Variants in TAFA4 observed in about 807,000 individuals in gnomAD.
TAFA4 encodes chemokine-like protein TAFA-4.
A neutral mutation model predicts 21.1 loss-of-function variants in TAFA4; 20 were observed. The ratio of observed to expected loss-of-function variants is 0.95; its 90% CI spans 0.67 to 1.38. The LOEUF (loss-of-function observed/expected upper bound fraction) is 1.38, where lower values mean the gene tolerates loss of function less well. Ranked by LOEUF, TAFA4 falls within the 40% of genes most tolerant of loss-of-function variation. The pLI is 0.00. For synonymous variants in TAFA4, 71 were observed against 67.4 expected (o/e 1.05, Z -0.26); for missense variants, 211 against 180.9 (o/e 1.17, Z -0.95).
chr3:68,803,822 T>G (rs71302152), intron 3 of TAFA4, among the ~76,000 whole-genome samples: 13 of 144,408 alleles, frequency 9.0e-5, no homozygotes, highest in Admixed American at 3.4e-4. Context: ...TTTTTTTTTG[T>G]GAGACAGAGT....
At chr3:68,854,884 A>T (rs1011639502) in intron 3 of TAFA4, among the ~76,000 whole-genome samples, 1 of 152,134 alleles carries the variant, frequency 6.6e-6, no homozygotes, top group Non-Finnish European at 1.5e-5. Context: ...CTCTCCAAAA[A>T]TCAATCACAA....
At chr3:68,770,799 T>G (rs1702941514) in intron 3 of TAFA4, among the ~76,000 whole-genome samples, 1 of 152,032 alleles carries the variant, frequency 6.6e-6, no homozygotes, top group Non-Finnish European at 1.5e-5. Context: ...AAGGGTGGGG[T>G]CCCGGCGAGG....
rs563787308 is a variant in TAFA4, at chr3:68,851,907, G to T, written c.130+28823C>A. ...GATCTATAGGACAAGGGTGAGCAAA[G>T]GTTAGCTTGCCTCAGATGACCAGGA... On this transcript the variant is annotated intron_variant, in intron 3 of 5. Coordinates refer to ENST00000295569, the MANE Select transcript of TAFA4 (RefSeq NM_182522.5). 6.6e-5 allele frequency among the ~76,000 whole-genome samples: 10 copies of T among 152,210 alleles called. No individual in the cohort carries two copies. The East Asian group carries it at 1.9e-3, about 30-fold the overall frequency.
intron 1 of TAFA4, among the ~76,000 whole-genome samples, chr3:68,929,741 C>T (rs903851508): frequency 1.1e-4 from 16 of 152,210 alleles, no homozygotes; most frequent in Admixed American, 1.0e-3. Flanking sequence ...AAATTGCAAT[C>T]TGAGAATGTT....
chr3:68,779,852 A>C (rs570382005), intron 3 of TAFA4, among the ~76,000 whole-genome samples: 1 of 152,250 alleles, frequency 6.6e-6, no homozygotes, highest in East Asian at 1.9e-4. Flanking sequence ...GAGCTATGAG[A>C]AGAGGACCTC....
At chr3:68,753,334 G>T (rs1304209865) in intron 3 of TAFA4, among the ~76,000 whole-genome samples, 1 of 114,478 alleles carries the variant, frequency 8.7e-6, no homozygotes, top group Non-Finnish European at 1.7e-5. Context: ...GATTGATAGA[G>T]TTTTTTTTTT....
At chr3:68,791,857 T>C (rs531874409) in intron 3 of TAFA4, among the ~76,000 whole-genome samples, 1 of 152,276 alleles carries the variant, frequency 6.6e-6, no homozygotes, top group South Asian at 2.1e-4. Context: ...AACTAGAAAT[T>C]AGAACCTTGA....
chr3:68,761,414 AT>A (rs1702753562), intron 3 of TAFA4, among the ~76,000 whole-genome samples: 2 of 152,220 alleles, frequency 1.3e-5, no homozygotes, highest in Non-Finnish European at 2.9e-5. Flanking sequence ...GAAAGGTGCA[AT>A]TTAAAATAGG....
intron 4 of TAFA4, among the ~76,000 whole-genome samples, chr3:68,750,494 T>C (rs978076801): frequency 4.6e-5 from 7 of 152,348 alleles, no homozygotes; most frequent in African/African-American, 1.7e-4. Context: ...CACACTCATA[T>C]TGAAATCTAC....
chr3:68,859,322 G>A (rs1473809147), intron 3 of TAFA4, among the ~76,000 whole-genome samples: 1 of 152,040 alleles, frequency 6.6e-6, no homozygotes, highest in Non-Finnish European at 1.5e-5. Flanking sequence ...ATATCTGCTT[G>A]AGCAGCTCTG....
At chr3:68,739,290 T>G in intron 4 of TAFA4, 91 bp from the exon 5 acceptor site, 4 of 1,429,234 alleles carry the variant, frequency 2.8e-6, no homozygotes, top group Non-Finnish European at 3.8e-6. Flanking sequence ...GTACACTGAG[T>G]TCAAAGATTG....
chr3:68,765,782 G>A (rs1702842119), intron 3 of TAFA4, among the ~76,000 whole-genome samples: 1 of 152,126 alleles, frequency 6.6e-6, no homozygotes, highest in South Asian at 2.1e-4. Context: ...TTTGGAGGAT[G>A]GAAAGCAGGT....
At chr3:68,784,925 CAG>C (rs1300114117) in intron 3 of TAFA4, among the ~76,000 whole-genome samples, 1 of 152,082 alleles carries the variant, frequency 6.6e-6, no homozygotes, top group Non-Finnish European at 1.5e-5. Flanking sequence ...TAGCTAGATA[CAG>C]AGTGTCGATT....
At chr3:68,898,387 T>C (rs1449261405) in intron 1 of TAFA4, among the ~76,000 whole-genome samples, 1 of 152,250 alleles carries the variant, frequency 6.6e-6, no homozygotes, top group African/African-American at 2.4e-5. Flanking sequence ...GCCCTGTGGC[T>C]CATGCCTGTA....
intron 1 of TAFA4, among the ~76,000 whole-genome samples, chr3:68,911,907 G>A (rs900964746): frequency 1.3e-5 from 2 of 152,128 alleles, no homozygotes; most frequent in Non-Finnish European, 2.9e-5. Context: ...ATCAGCCCAA[G>A]CGCTGGGAAA....
chr3:68,889,995 G>A (rs2089714947), intron 1 of TAFA4, among the ~76,000 whole-genome samples: 1 of 152,158 alleles, frequency 6.6e-6, no homozygotes, highest in African/African-American at 2.4e-5. Flanking sequence ...CCTGTAGATT[G>A]CATTACAGTG....
chr3:68,761,339 C>CA lies in TAFA4; in HGVS notation c.131-8322dup, dbSNP rs530320825. 1.6e-3 allele frequency among the ~76,000 whole-genome samples: 233 copies of CA among 144,960 alleles called. 2 individuals carry two copies. Among genetic ancestry groups the CA allele is most frequent in the African/African-American group, 4.8e-3 (189 of 39,540 alleles). ...CTAATATAACACTGAAAAAAATGAG[C>CA]AAAAAAAAAAATCATCTTCCTTGAA... On this transcript the variant is annotated intron_variant, in intron 3 of 5. Coordinates refer to ENST00000295569, the MANE Select transcript of TAFA4 (RefSeq NM_182522.5).
rs973888817 is a variant in TAFA4 at position 68,885,473 on chromosome 3, A to G, written c.-122-163T>C. Among the ~76,000 whole-genome samples, 13 of 152,296 alleles carry G rather than the reference A, an allele frequency of 8.5e-5. No individual in the cohort carries two copies. The East Asian group carries it at 2.3e-3, about 27-fold the overall frequency. On this transcript the variant is annotated intron_variant, in intron 1 of 5. Coordinates refer to ENST00000295569, the MANE Select transcript of TAFA4 (RefSeq NM_182522.5). ...ATCCATAGTTGTAAGGTGTCCTACT[A>G]TTAGGGAGGAAAAGATATAGAATTC...
intron 3 of TAFA4, among the ~76,000 whole-genome samples, chr3:68,849,907 T>A (rs938371347): frequency 6.6e-6 from 1 of 152,210 alleles, no homozygotes; most frequent in Non-Finnish European, 1.5e-5. Flanking sequence ...TCGAAGGATT[T>A]TTTTTCTTGC....
Sources: gnomAD v4.1 joint callset for allele counts (sites outside exome capture counted in the v4.1 genomes callset) on GRCh38, gnomAD v4.1.1 for gene constraint, MANE v1.5 for transcripts, NCBI Gene and HGNC (gene_info 2026-07-23, HGNC 2026-07-21) for gene names.